Variants in VPS35 observed in about 807,000 individuals in gnomAD.
The protein encoded by VPS35 is VPS35 retromer complex component.
In VPS35, 21 loss-of-function variants were observed where a neutral mutation model predicts 98.1. That is an observed-to-expected ratio of 0.21 (90% CI 0.15 to 0.31). VPS35 has a LOEUF of 0.31. Ranked by LOEUF, VPS35 falls within the 10% of genes least tolerant of loss-of-function variation. The pLI, the probability that VPS35 is intolerant of heterozygous loss-of-function variation, is 1.00. For synonymous variants in VPS35, 268 were observed against 318.2 expected (o/e 0.84, Z 1.68); for missense variants, 554 against 950.8 (o/e 0.58, Z 5.49).
chr16:46,664,812 C>T (rs970581761), intron 13 of VPS35, among the ~76,000 whole-genome samples: 1 of 152,208 alleles, frequency 6.6e-6, no homozygotes, highest in Non-Finnish European at 1.5e-5. Flanking sequence ...TGAGCCACTG[C>T]ACCCAGCTCT....
Position 46,657,241 on chromosome 16 carries a change from A to C in VPS35, c.*3231T>G, listed in dbSNP as rs1965850935. ...TTGTCCATGCCTACAGCATCCCCAT[A>C]GGACAAACCCCAGCAAACAGGAAGG... On this transcript the variant is annotated 3_prime_UTR_variant, in exon 17 of 17. Coordinates refer to ENST00000299138, the MANE Select transcript of VPS35 (RefSeq NM_018206.6). 6.6e-6 allele frequency: 1 copy of C among 152,220 alleles called. No homozygotes were observed. Among genetic ancestry groups the C allele is most frequent in the African/African-American group, 2.4e-5 (1 of 41,452 alleles). The allele number at this position is 152,220 out of a possible 1,614,324, so 9.4% of individuals were successfully genotyped here. A position where few individuals can be genotyped will look rare whatever the true frequency, so the allele number is the denominator to read the frequency against.
Position 46,660,403 on chromosome 16 carries a change from AG to A in VPS35, c.*68del. On this transcript the variant is annotated 3_prime_UTR_variant, in exon 17 of 17. Coordinates refer to ENST00000299138, the MANE Select transcript of VPS35 (RefSeq NM_018206.6). ...ATTTCTGAAAGGCACAATCTATGGA[AG>A]GGAAACCTAGCGTAATAAAACCCTC... 1 of 1,589,358 alleles carries A rather than the reference AG, an allele frequency of 6.3e-7. No homozygotes were observed. The highest frequency in any genetic ancestry group is 1.1e-5 in the South Asian group (1 of 90,706).
At chr16:46,677,467 C>T (rs978509866) in intron 6 of VPS35, 69 bp from the exon 7 acceptor site, 94 of 1,225,434 alleles carry the variant, frequency 7.7e-5, no homozygotes, top group Non-Finnish European at 1.0e-4. Flanking sequence ...CCTCTAGTAA[C>T]GCATTTGAAC....
rs553744271 is a variant in VPS35 at position 46,677,692 on chromosome 16, T to C, written c.721-294A>G. On this transcript the variant is annotated intron_variant, in intron 6 of 16. Coordinates refer to ENST00000299138, the MANE Select transcript of VPS35 (RefSeq NM_018206.6). Reference sequence around the variant, plus strand: ...CTGGGACTACAGGTACGTTCCACCATGCCCAGCTAATTTTGGTAATTTTTG... The same window carrying C: ...CTGGGACTACAGGTACGTTCCACCACGCCCAGCTAATTTTGGTAATTTTTG... 2.4e-4 allele frequency: 90 copies of C among 374,960 alleles called. 2 individuals are homozygous for C. In the East Asian group the frequency reaches 4.7e-3, roughly 20 times the overall value. 23.2% of individuals were successfully genotyped at this position (374,960 alleles called of 1,614,324 possible).
chr16:46,677,014 T>G (rs570546023), intron 7 of VPS35, among the ~76,000 whole-genome samples: 15 of 152,198 alleles, frequency 9.9e-5, no homozygotes, highest in Middle Eastern at 3.4e-3. Context: ...TTAAATTATT[T>G]TTAGAAGAAG....
chr16:46,669,224 C>T (rs1229333833), intron 12 of VPS35, 172 bp from the exon 13 acceptor site: 1 of 810,580 alleles, frequency 1.2e-6, no homozygotes, highest in Non-Finnish European at 2.0e-6. Context: ...CACAACAACC[C>T]AGAGACAGAT....
In VPS35 at chr16:46,660,360, TG is replaced by T; in HGVS notation, c.*111del. ...GGTAAAACACATCACAGGTAAGAAA[TG>T]GGAAACCTACCTCAGCATTTCTGAA... On this transcript the variant is annotated 3_prime_UTR_variant, in exon 17 of 17. Coordinates refer to ENST00000299138, the MANE Select transcript of VPS35 (RefSeq NM_018206.6). 1.4e-6 allele frequency: 2 copies of T among 1,379,712 alleles called. No individual in the cohort carries two copies. The highest frequency in any genetic ancestry group is 2.0e-6 in the Non-Finnish European group (2 of 983,574). 85.5% of individuals were successfully genotyped at this position (1,379,712 alleles called of 1,614,324 possible).
At chr16:46,665,332 G>A (rs1232585421) in intron 13 of VPS35, among the ~76,000 whole-genome samples, 2 of 152,196 alleles carry the variant, frequency 1.3e-5, no homozygotes, top group African/African-American at 4.8e-5. Flanking sequence ...GGTGGCTCAT[G>A]CCTGTAATCC....
At chr16:46,683,435 T>C in intron 2 of VPS35, 73 bp downstream of exon 2, 1 of 1,374,176 alleles carries the variant, frequency 7.3e-7, no homozygotes, top group Non-Finnish European at 1.0e-6. Context: ...AACACCTGAC[T>C]CTAGAAGACA....
At position 46,657,964 on chromosome 16, in the gene VPS35, AAGG is replaced by A. The variant is rs1965857286; in HGVS notation, c.*2505_*2507del. 6.6e-6 allele frequency: 1 copy of A among 152,252 alleles called. No homozygotes were observed. The highest frequency in any genetic ancestry group is 1.5e-5 in the Non-Finnish European group (1 of 68,050). 9.4% of individuals were successfully genotyped at this position (152,252 alleles called of 1,614,324 possible). On this transcript the variant is annotated 3_prime_UTR_variant, in exon 17 of 17. Transcript: ENST00000299138. ...TAAGACACAATAAAAATTACTAAAA[AAGG>A]AGAACAGGGAATAGCAGACACACAA...
intron 1 of VPS35, among the ~76,000 whole-genome samples, chr16:46,688,154 C>T (rs967531986): frequency 6.6e-5 from 10 of 152,190 alleles, no homozygotes; most frequent in African/African-American, 2.4e-4. Context: ...GGCATTAAGA[C>T]ATTTAAAGTG....
chr16:46,680,567 G>A (rs1376790311), intron 5 of VPS35, 104 bp downstream of exon 5: 15 of 1,264,606 alleles, frequency 1.2e-5, no homozygotes, highest in Non-Finnish European at 1.1e-6. Flanking sequence ...GGCTGACTGG[G>A]TGGAAGAATT....
At chr16:46,683,889 T>G (rs1312896257) in intron 1 of VPS35, among the ~76,000 whole-genome samples, 1 of 152,134 alleles carries the variant, frequency 6.6e-6, no homozygotes, top group African/African-American at 2.4e-5. Flanking sequence ...CACACCCGGC[T>G]AATTTTTTTT....
intron 1 of VPS35, among the ~76,000 whole-genome samples, chr16:46,686,280 T>A (rs551958643): frequency 6.6e-6 from 1 of 152,304 alleles, no homozygotes; most frequent in South Asian, 2.1e-4. Flanking sequence ...CTACATTTTG[T>A]TTATCCATGG....
Position 46,676,622 on chromosome 16 carries a change from T to C in VPS35, c.875A>G (p.Asn292Ser), listed in dbSNP as rs751107774. 1.9e-6 allele frequency: 3 copies of C among 1,612,774 alleles called. No homozygotes were observed. Among genetic ancestry groups the C allele is most frequent in the Non-Finnish European group, 2.5e-6 (3 of 1,179,658 alleles). Residue 292 changes from asparagine (N) to serine (S), a missense_variant, in exon 8 of 17, where the codon AAT becomes AGT. By Grantham distance (46) the Asn-to-Ser change is conservative. This residue lies in a region of VPS35 where 254 missense variants were observed against 390.1 expected (regional missense o/e 0.65). Coordinates refer to ENST00000299138, the MANE Select transcript of VPS35 (RefSeq NM_018206.6). ...AATGATTATGTTCTTCACATTTACA[T>C]TCTGGTGTAACTCAGCACAGGCCCG... ...FLRACAELHQNVNVKNIIIAL... is the reference protein window; with the variant it reads ...FLRACAELHQSVNVKNIIIAL...
At chr16:46,672,504 T>C (rs750539567) in intron 10 of VPS35, 32 bp from the exon 11 acceptor site, 3 of 1,571,750 alleles carry the variant, frequency 1.9e-6, no homozygotes, top group Admixed American at 1.7e-5. Flanking sequence ...TCTTAATGAA[T>C]AAAATTAACT....
chr16:46,667,318 G>C (rs537662337), intron 13 of VPS35, among the ~76,000 whole-genome samples: 1 of 152,132 alleles, frequency 6.6e-6, no homozygotes, highest in East Asian at 1.9e-4. Flanking sequence ...TTATTCATTT[G>C]CTTGCTATTG....
chr16:46,661,521 C>T lies in VPS35; in HGVS notation c.2211+197G>A, dbSNP rs1018441214. On this transcript the variant is annotated intron_variant, in intron 16 of 16. Transcript: ENST00000299138. The surrounding 1 kb of genome is among the most constrained non-coding windows in gnomAD (Gnocchi z 4.3). Reference sequence around the variant, plus strand: ...CTGGGATTACAGGCATGAGCCACCACGCCCAGCCTAGGAATTATCTTAAAC... The same window carrying T: ...CTGGGATTACAGGCATGAGCCACCATGCCCAGCCTAGGAATTATCTTAAAC... 9.1e-6 allele frequency: 5 copies of T among 549,366 alleles called. No homozygotes were observed. The highest frequency in any genetic ancestry group is 3.3e-5 in the Admixed American group (1 of 30,276). The allele number at this position is 549,366 out of a possible 1,614,324, so 34.0% of individuals were successfully genotyped here. A position where few individuals can be genotyped will look rare whatever the true frequency, so the allele number is the denominator to read the frequency against.
rs1966168232 is a variant in VPS35, at chr16:46,677,413, A to G, written c.721-15T>C. ...GTCAAAACAATCTAAAAGAGAAAAA[A>G]CACACATAAGGGTTAAAATCTGTTT... is the stretch of plus-strand genomic sequence containing the variant. On this transcript the variant is annotated splice_polypyrimidine_tract_variant and intron_variant, in intron 6 of 16. Transcript: ENST00000299138. 6.2e-7 allele frequency: 1 copy of G among 1,605,844 alleles called. No homozygotes were observed. Among genetic ancestry groups the G allele is most frequent in the African/African-American group, 1.3e-5 (1 of 74,780 alleles).
Sources: gnomAD v4.1 joint callset for allele counts (sites outside exome capture counted in the v4.1 genomes callset) on GRCh38, gnomAD v4.1.1 for gene constraint, gnomAD v4.1.1 regional missense constraint, Gnocchi (gnomAD v3.1) non-coding constraint, MANE v1.5 for transcripts, NCBI Gene and HGNC (gene_info 2026-07-23, HGNC 2026-07-21) for gene names.